SAMD8: variants seen among roughly 807,000 people sequenced by gnomAD.
The protein encoded by SAMD8 is sphingomyelin synthase-related protein 1.
A neutral mutation model predicts 42.0 loss-of-function variants in SAMD8; 20 were observed. That is an observed-to-expected ratio of 0.48 (90% CI 0.34 to 0.69). The LOEUF is 0.69. Among genes scored for constraint, SAMD8 ranks in the 30% least tolerant of loss-of-function variants. The pLI, the probability that SAMD8 is intolerant of heterozygous loss-of-function variation, is 0.01. For missense variants in SAMD8, 328 were observed against 511.6 expected (o/e 0.64, Z 3.46); for synonymous variants, 162 against 173.0 (o/e 0.94, Z 0.50).
intron 1 of SAMD8, among the ~76,000 whole-genome samples, chr10:75,134,131 A>G (rs1203131469): frequency 6.6e-6 from 1 of 152,168 alleles, no homozygotes; most frequent in African/African-American, 2.4e-5. Flanking sequence ...GGAGCTGAAC[A>G]GTGAGAGCAC....
At chr10:75,100,839 C>T (rs1293026291) in intron 1 of SAMD8, among the ~76,000 whole-genome samples, 1 of 152,260 alleles carries the variant, frequency 6.6e-6, no homozygotes, top group African/African-American at 2.4e-5. Flanking sequence ...CATCCTCCCC[C>T]AGGAAGCTCA....
chr10:75,113,057 G>A (rs1848809492), intron 1 of SAMD8, among the ~76,000 whole-genome samples: 1 of 152,186 alleles, frequency 6.6e-6, no homozygotes. Context: ...TGTGTGAATA[G>A]TATTTTTAGT....
At chr10:75,145,094 T>G (rs982923296) in intron 1 of SAMD8, among the ~76,000 whole-genome samples, 5 of 152,228 alleles carry the variant, frequency 3.3e-5, no homozygotes, top group Admixed American at 3.3e-4. Flanking sequence ...CTTTTTTTAC[T>G]TATCTATTTC....
intron 1 of SAMD8, among the ~76,000 whole-genome samples, chr10:75,138,788 C>T: frequency 6.6e-6 from 1 of 152,026 alleles, no homozygotes; most frequent in Non-Finnish European, 1.5e-5. Flanking sequence ...CCAGAGGTCA[C>T]CCAAAAGATA....
intron 2 of SAMD8, among the ~76,000 whole-genome samples, chr10:75,162,248 A>G (rs932769762): frequency 1.3e-5 from 2 of 152,204 alleles, no homozygotes; most frequent in African/African-American, 4.8e-5. Flanking sequence ...AATCCCAGCA[A>G]CGCGGGAGAC....
intron 1 of SAMD8, among the ~76,000 whole-genome samples, chr10:75,119,747 A>AT (rs1848962443): frequency 6.6e-6 from 1 of 152,192 alleles, no homozygotes; most frequent in Admixed American, 6.5e-5. Flanking sequence ...TAAAGGTTTC[A>AT]TTTTGTTGAT....
chr10:75,106,461 C>G (rs1848516730), intron 1 of SAMD8, among the ~76,000 whole-genome samples: 1 of 152,180 alleles, frequency 6.6e-6, no homozygotes, highest in Non-Finnish European at 1.5e-5. Flanking sequence ...CAGGTTTTGG[C>G]TGAGACACGG....
At chr10:75,121,470 A>C (rs1304929830) in intron 1 of SAMD8, among the ~76,000 whole-genome samples, 3 of 152,228 alleles carry the variant, frequency 2.0e-5, no homozygotes, top group African/African-American at 7.2e-5. Context: ...CCTGATTTAC[A>C]AAACACAACA....
chr10:75,113,043 G>A (rs1172725295), intron 1 of SAMD8, among the ~76,000 whole-genome samples: 4 of 152,174 alleles, frequency 2.6e-5, no homozygotes, highest in African/African-American at 9.7e-5. Flanking sequence ...TATTTTGCAG[G>A]TATTGTGTGA....
intron 1 of SAMD8, among the ~76,000 whole-genome samples, chr10:75,122,438 C>G (rs73277286): frequency 0.09 from 13,687 of 151,764 alleles, 682 homozygotes; most frequent in Middle Eastern, 0.14. Context: ...ATGGCAAAAC[C>G]CTGTCTCCAG....
chr10:75,108,987 C>G, upstream of SAMD8: 1 of 1,587,418 alleles, frequency 6.3e-7, no homozygotes, highest in South Asian at 1.1e-5. Flanking sequence ...ACCCCCATGC[C>G]CCTTGGCCAG....
At position 75,181,616 on chromosome 10, in the gene SAMD8, A is replaced by T. The variant is rs1736277936; in HGVS notation, c.*4924A>T. 6.6e-6 allele frequency: 1 copy of T among 152,338 alleles called. No individual in the cohort carries two copies. The highest frequency in any genetic ancestry group is 6.5e-5 in the Admixed American group (1 of 15,296). 9.4% of individuals were successfully genotyped at this position (152,338 alleles called of 1,614,324 possible). A position where few individuals can be genotyped will look rare whatever the true frequency, so the allele number is the denominator to read the frequency against. ...GTGTATTCCATGTTTCAGCATAAGG[A>T]AAGTTTGTGCCTGATATGGCAGGAG... On this transcript the variant is annotated 3_prime_UTR_variant, in exon 6 of 6. Coordinates refer to ENST00000542569, the MANE Select transcript of SAMD8 (RefSeq NM_001174156.2).
At chr10:75,140,227 C>G (rs1318741628) in intron 1 of SAMD8, among the ~76,000 whole-genome samples, 1 of 152,188 alleles carries the variant, frequency 6.6e-6, no homozygotes, top group Non-Finnish European at 1.5e-5. Context: ...GCCTTAGCCT[C>G]CTGATTAGCT....
chr10:75,149,599 AC>A (rs1840232668), intron 1 of SAMD8, among the ~76,000 whole-genome samples: 1 of 152,278 alleles, frequency 6.6e-6, no homozygotes, highest in African/African-American at 2.4e-5. Context: ...AGTTAGAAAT[AC>A]GCTTAATCTA....
chr10:75,113,614 A>C (rs1198396911), intron 1 of SAMD8, among the ~76,000 whole-genome samples: 1 of 152,136 alleles, frequency 6.6e-6, no homozygotes, highest in Non-Finnish European at 1.5e-5. Context: ...ACAGCTTTTA[A>C]ATTAGTTTAT....
intron 1 of SAMD8, among the ~76,000 whole-genome samples, chr10:75,139,458 G>A (rs1839968236): frequency 6.6e-6 from 1 of 152,114 alleles, no homozygotes; most frequent in South Asian, 2.1e-4. Flanking sequence ...ACAATGGGGA[G>A]ATGGATAAAT....
At chr10:75,159,649 A>G (rs1321673537) in intron 2 of SAMD8, among the ~76,000 whole-genome samples, 2 of 152,214 alleles carry the variant, frequency 1.3e-5, no homozygotes, top group Non-Finnish European at 2.9e-5. Flanking sequence ...TCCCACCAGC[A>G]GCTGTTCTTA....
chr10:75,139,204 A>T (rs1057200670), intron 1 of SAMD8, among the ~76,000 whole-genome samples: 1 of 152,098 alleles, frequency 6.6e-6, no homozygotes, highest in South Asian at 2.1e-4. Context: ...CCTGACCTCA[A>T]GTGATCTGCC....
chr10:75,165,247 A>G (rs1183734553), intron 3 of SAMD8, among the ~76,000 whole-genome samples: 2 of 152,036 alleles, frequency 1.3e-5, no homozygotes, highest in Non-Finnish European at 2.9e-5. Context: ...CTGAGATAAG[A>G]AAGCCTTTTC....
Sources: gnomAD v4.1 joint callset for allele counts (sites outside exome capture counted in the v4.1 genomes callset) on GRCh38, gnomAD v4.1.1 for gene constraint, MANE v1.5 for transcripts, NCBI Gene and HGNC (gene_info 2026-07-23, HGNC 2026-07-21) for gene names.